Variants in PCDHB16 observed in about 807,000 individuals in gnomAD.
PCDHB16 encodes protocadherin beta 16.
For synonymous variants in PCDHB16, 444 were observed against 436.5 expected (o/e 1.02, Z -0.21); for missense variants, 1,026 against 989.9 (o/e 1.04, Z -0.49).
In PCDHB16 at chr5:141,182,957, T is replaced by A. The variant is rs1042483465; in HGVS notation, c.398T>A (p.Phe133Tyr). 2 of 1,614,180 alleles carry A rather than the reference T, an allele frequency of 1.2e-6. No homozygotes were observed. The highest frequency in any genetic ancestry group is 1.7e-6 in the Non-Finnish European group (2 of 1,180,002). ...VIDINDHSPM[F>Y]TEKEMILKIP... Reference sequence around the variant, plus strand: ...GATATAAATGACCATTCTCCCATGTTCACTGAAAAGGAAATGATTCTAAAA... The same window carrying A: ...GATATAAATGACCATTCTCCCATGTACACTGAAAAGGAAATGATTCTAAAA... Residue 133 changes from phenylalanine (F) to tyrosine (Y), a missense_variant, in exon 1 of 1, where the codon TTC (phenylalanine) becomes TAC (tyrosine). By Grantham distance (22) the Phe-to-Tyr change is conservative (BLOSUM62 3). Transcript: ENST00000609684.
Position 141,183,097 on chromosome 5 carries a change from G to C in PCDHB16, c.538G>C (p.Val180Leu). The C allele has an allele frequency of 1.2e-6, 2 of 1,614,158 alleles. No individual in the cohort carries two copies. ...AATCAGCCCAAGCTCTCATTTCCGG[G>C]TTCTAATCCATGAATTCAGAGATGG... ...YKISPSSHFR[V>L]LIHEFRDGRK... The change falls in exon 1 of 1, where the codon GTT becomes CTT. Residue 180 changes from valine to leucine, a missense_variant. Transcript: ENST00000609684.
chr5:141,185,143 T>C lies in PCDHB16; in HGVS notation c.*253T>C. ...ATATAGAATCCCAATTAACAAAATA[T>C]ACTTTATCTTCAAAGTTGATGTCAT... On this transcript the variant is annotated 3_prime_UTR_variant, in exon 1 of 1. Transcript: ENST00000609684. The C allele has an allele frequency of 1.6e-6, 2 of 1,243,096 alleles. No individual in the cohort carries two copies. Among genetic ancestry groups the C allele is most frequent in the Non-Finnish European group, 2.0e-6 (2 of 984,362 alleles). The allele number at this position is 1,243,096 out of a possible 1,614,324, so 77.0% of individuals were successfully genotyped here.
Position 141,185,394 on chromosome 5 carries a change from TTTTCTTTTCTTTC to T in PCDHB16, c.*508_*520del. 1 of 773,714 alleles carries T rather than the reference TTTTCTTTTCTTTC, an allele frequency of 1.3e-6. No homozygotes were observed. Among genetic ancestry groups the T allele is most frequent in the Non-Finnish European group, 1.6e-6 (1 of 629,374 alleles). The allele number at this position is 773,714 out of a possible 1,614,324, so 47.9% of individuals were successfully genotyped here. ...ACTTTTCTTAAAGTTTCTTTCTTTC[TTTTCTTTTCTTTC>T]TTTTTTTTTTTTTCCTTTTTGAGAC... On this transcript the variant is annotated 3_prime_UTR_variant, in exon 1 of 1. Coordinates refer to ENST00000609684, the MANE Select transcript of PCDHB16 (RefSeq NM_020957.4).
At position 141,184,009 on chromosome 5, in the gene PCDHB16, G is replaced by T. The variant is rs1753643252; in HGVS notation, c.1450G>T (p.Ala484Ser). The change falls in exon 1 of 1, where the codon GCC becomes TCC. Residue 484 changes from alanine to serine, a missense_variant. Physicochemically the swap from Ala to Ser is moderately conservative, Grantham distance 99. Transcript: ENST00000609684. ...SATDRDSGTN[A>S]QVTYSLLPPQ... ...CACAGACAGAGACTCGGGCACCAAC[G>T]CCCAGGTCACCTACTCGCTGCTGCC... The T allele has an allele frequency of 1.9e-6, 3 of 1,607,398 alleles. No homozygotes were observed. Among genetic ancestry groups the T allele is most frequent in the East Asian group, 2.2e-5 (1 of 44,628 alleles).
At position 141,182,720 on chromosome 5, in the gene PCDHB16, T is replaced by TG; in HGVS notation, c.165dup (p.Leu56ValfsTer33). On this transcript the variant is annotated frameshift_variant, in exon 1 of 1. Coordinates refer to ENST00000609684, the MANE Select transcript of PCDHB16 (RefSeq NM_020957.4). LOFTEE classifies it low-confidence loss of function (END_TRUNC). ...GCAAATCTAGGAAAAGACCTGGGGT[T>TG]GGGGTTGACAGAGATGTCCACCCGC... 6.2e-7 allele frequency: 1 copy of TG among 1,611,620 alleles called. No individual in the cohort carries two copies. Among genetic ancestry groups the TG allele is most frequent in the Middle Eastern group, 1.7e-4 (1 of 6,044 alleles).
At position 141,185,535 on chromosome 5, in the gene PCDHB16, C is replaced by T. The variant is rs2338529; in HGVS notation, c.*645C>T. ...AACGGATCCTTCCACCTCAGCCTCCCAAGTAGCTTGGACTATAGGTGCATG... is the reference window on the plus strand; with the variant it reads ...AACGGATCCTTCCACCTCAGCCTCCTAAGTAGCTTGGACTATAGGTGCATG... On this transcript the variant is annotated 3_prime_UTR_variant, in exon 1 of 1. Transcript: ENST00000609684. 58,216 of 338,404 alleles carry T rather than the reference C, an allele frequency of 0.17. 5,445 individuals carry two copies. Among genetic ancestry groups the T allele is most frequent in the African/African-American group, 0.24 (10,760 of 44,770 alleles). 21.0% of individuals were successfully genotyped at this position (338,404 alleles called of 1,614,324 possible).
At position 141,184,639 on chromosome 5, in the gene PCDHB16, T is replaced by C. The variant is rs61739446; in HGVS notation, c.2080T>C (p.Leu694=). 258,880 of 1,612,522 alleles carry C rather than the reference T, an allele frequency of 0.16. 22,154 individuals carry two copies. Among genetic ancestry groups the C allele is most frequent in the Middle Eastern group, 0.2 (1,080 of 5,504 alleles). Residue 694 remains leucine (L), a synonymous_variant, in exon 1 of 1, where the codon TTG becomes CTG. Coordinates refer to ENST00000609684, the MANE Select transcript of PCDHB16 (RefSeq NM_020957.4). The part of the protein sequence containing the change: ...NSLTVYLVVA[L]ASVSSLFLFS... Reference sequence around the variant, plus strand: ...GCTCACTGTCTACCTGGTGGTGGCGTTGGCCTCGGTGTCGTCGCTCTTCCT... The same window carrying C: ...GCTCACTGTCTACCTGGTGGTGGCGCTGGCCTCGGTGTCGTCGCTCTTCCT...
rs267600431 is a variant in PCDHB16, at chr5:141,184,573, C to A, written c.2014C>A (p.Pro672Thr). 3 of 1,612,160 alleles carry A rather than the reference C, an allele frequency of 1.9e-6. No individual in the cohort carries two copies. Among genetic ancestry groups the A allele is most frequent in the South Asian group, 1.1e-5 (1 of 91,040 alleles). ...GGACGGCTTCTCCCAGCCCTTCCTG[C>A]CGCTCCCAGAGGCGGCCCCCGGCCA... ...LVDGFSQPFL[P>T]LPEAAPGQTQ... The change falls in exon 1 of 1, where the codon CCG (proline) becomes ACG (threonine). Residue 672 changes from proline (P) to threonine (T), a missense_variant. Pro to Thr is a conservative substitution (Grantham distance 38). Coordinates refer to ENST00000609684, the MANE Select transcript of PCDHB16 (RefSeq NM_020957.4).
chr5:141,182,819 A>G lies in PCDHB16; in HGVS notation c.260A>G (p.Asn87Ser), dbSNP rs374869295. The G allele has an allele frequency of 6.2e-7, 1 of 1,614,210 alleles. No individual in the cohort carries two copies. Among genetic ancestry groups the G allele is most frequent in the East Asian group, 2.2e-5 (1 of 44,888 alleles). Residue 87 changes from asparagine to serine, a missense_variant, in exon 1 of 1, where the codon AAT (asparagine) becomes AGT (serine). Physicochemically the swap from Asn to Ser is conservative, Grantham distance 46 (BLOSUM62 1). Transcript: ENST00000609684. ...LKAQTGDLLI[N>S]EKLDREELCG... ...GCTCAAACTGGGGATTTGCTCATAA[A>G]TGAGAAGCTAGATCGAGAGGAGCTA... is the stretch of plus-strand genomic sequence containing the variant.
chr5:141,183,362 A>C lies in PCDHB16; in HGVS notation c.803A>C (p.Asp268Ala), dbSNP rs1384214483. The C allele has an allele frequency of 6.2e-7, 1 of 1,614,134 alleles. No individual in the cohort carries two copies. Among genetic ancestry groups the C allele is most frequent in the East Asian group, 2.2e-5 (1 of 44,876 alleles). The change falls in exon 1 of 1, where the codon GAT becomes GCT. Residue 268 changes from aspartate to alanine, a missense_variant. Physicochemically the swap from Asp to Ala is moderately radical, Grantham distance 126. Coordinates refer to ENST00000609684, the MANE Select transcript of PCDHB16 (RefSeq NM_020957.4). ...CTGGTTGCCACCGTCTCCGCCAGGG[A>C]TTTAGACGGCGGAGCCAATGGAAAA... ...GSLVATVSAR[D>A]LDGGANGKIS...
rs1563932653 is a variant in PCDHB16 at position 141,182,552 on chromosome 5, A to G, written c.-8A>G. ...AGCTTCTGTGAACCAACTTTTCAAG[A>G]AAAAGCAATGGAGATTGGATGGATG... On this transcript the variant is annotated 5_prime_UTR_variant, in exon 1 of 1. Coordinates refer to ENST00000609684, the MANE Select transcript of PCDHB16 (RefSeq NM_020957.4). 6.6e-7 allele frequency: 1 copy of G among 1,509,690 alleles called. No homozygotes were observed. The highest frequency in any genetic ancestry group is 1.4e-5 in the African/African-American group (1 of 71,552). 93.5% of individuals were successfully genotyped at this position (1,509,690 alleles called of 1,614,324 possible). A position where few individuals can be genotyped will look rare whatever the true frequency, so the allele number is the denominator to read the frequency against.
Position 141,185,884 on chromosome 5 carries a change from C to A in PCDHB16, c.*994C>A, listed in dbSNP as rs1274092739. ...AAAAGAGAAGCCATTGTAAGACATT[C>A]AGTATGTGTAAATGTGTTTGTGTTT... On this transcript the variant is annotated 3_prime_UTR_variant, in exon 1 of 1. Coordinates refer to ENST00000609684, the MANE Select transcript of PCDHB16 (RefSeq NM_020957.4). The A allele has an allele frequency of 1.0e-6, 1 of 989,488 alleles. No individual in the cohort carries two copies. The highest frequency in any genetic ancestry group is 1.2e-6 in the Non-Finnish European group (1 of 820,284). The allele number at this position is 989,488 out of a possible 1,614,324, so 61.3% of individuals were successfully genotyped here.
At position 141,183,576 on chromosome 5, in the gene PCDHB16, C is replaced by T. The variant is rs782040319; in HGVS notation, c.1017C>T (p.Asp339=). The T allele has an allele frequency of 1.9e-6, 3 of 1,613,996 alleles. No homozygotes were observed. Among genetic ancestry groups the T allele is most frequent in the Non-Finnish European group, 2.5e-6 (3 of 1,180,048 alleles). ...GCACTCTTCTCCTGCAGGTGGTGGA[C>T]GTGAATGACAATCCCCCACAGGTGA... is the stretch of plus-strand genomic sequence containing the variant. ...GKCTLLLQVV[D]VNDNPPQVTM... Residue 339 remains aspartate (D), a synonymous_variant, in exon 1 of 1, where the codon GAC becomes GAT. Transcript: ENST00000609684.
At position 141,185,324 on chromosome 5, in the gene PCDHB16, C is replaced by T; in HGVS notation, c.*434C>T. ...ATGTTACATTTCTTTTGTCTATTTT[C>T]CTTTCAAAATTGGTATTTTTGTTGG... On this transcript the variant is annotated 3_prime_UTR_variant, in exon 1 of 1. Transcript: ENST00000609684. 1 of 895,340 alleles carries T rather than the reference C, an allele frequency of 1.1e-6. No homozygotes were observed. Among genetic ancestry groups the T allele is most frequent in the South Asian group, 5.2e-5 (1 of 19,060 alleles). The allele number at this position is 895,340 out of a possible 1,614,324, so 55.5% of individuals were successfully genotyped here.
chr5:141,182,544 T>A lies in PCDHB16; in HGVS notation c.-16T>A. ...ATACATGAAGCTTCTGTGAACCAAC[T>A]TTTCAAGAAAAAGCAATGGAGATTG... On this transcript the variant is annotated 5_prime_UTR_variant, in exon 1 of 1. Transcript: ENST00000609684. The A allele has an allele frequency of 6.6e-7, 1 of 1,510,642 alleles. No homozygotes were observed. Among genetic ancestry groups the A allele is most frequent in the Non-Finnish European group, 8.8e-7 (1 of 1,130,542 alleles). The allele number at this position is 1,510,642 out of a possible 1,614,324, so 93.6% of individuals were successfully genotyped here. A position where few individuals can be genotyped will look rare whatever the true frequency, so the allele number is the denominator to read the frequency against.
In PCDHB16 at chr5:141,184,233, G is replaced by T. The variant is rs868969657; in HGVS notation, c.1674G>T (p.Ser558=). 1 of 1,577,060 alleles carries T rather than the reference G, an allele frequency of 6.3e-7. No homozygotes were observed. Among genetic ancestry groups the T allele is most frequent in the East Asian group, 2.3e-5 (1 of 44,136 alleles). ...TGGTGCTGGACGCCAACGACAACTC[G>T]CCCTTCGTGCTGTACCCGCTGCAGA... The part of the protein sequence containing the change: ...RVLVLDANDN[S]PFVLYPLQNG... Residue 558 remains serine (S), a synonymous_variant, in exon 1 of 1, where the codon TCG becomes TCT. Transcript: ENST00000609684.
At position 141,183,943 on chromosome 5, in the gene PCDHB16, G is replaced by C. The variant is rs782240370; in HGVS notation, c.1384G>C (p.Glu462Gln). The C allele has an allele frequency of 6.8e-6, 11 of 1,613,552 alleles. No homozygotes were observed. Among genetic ancestry groups the C allele is most frequent in the African/African-American group, 2.7e-5 (2 of 74,796 alleles). The change falls in exon 1 of 1, where the codon GAG becomes CAG. Residue 462 changes from glutamate to glutamine, a missense_variant. Coordinates refer to ENST00000609684, the MANE Select transcript of PCDHB16 (RefSeq NM_020957.4). ...TQTSYTLFVR[E>Q]NNSPALHIGS... is the part of the protein sequence containing the mutation. The stretch of plus-strand genomic sequence containing the variant: ...AACCTCCTACACCCTGTTCGTCCGC[G>C]AGAACAACAGCCCCGCCCTGCACAT...
In PCDHB16 at chr5:141,183,516, C is replaced by A. The variant is rs782370824; in HGVS notation, c.957C>A (p.Ile319=). The A allele has an allele frequency of 1.6e-5, 26 of 1,614,192 alleles. No homozygotes were observed. The highest frequency in any genetic ancestry group is 2.0e-5 in the Non-Finnish European group (24 of 1,180,044). ...TGGTTACGTCTTATGAAGTGCGCAT[C>A]AAAGCCACAGATGGGGGAGGTCTTT... ...FEMVTSYEVR[I]KATDGGGLSG... The change falls in exon 1 of 1, where the codon ATC becomes ATA. Residue 319 remains isoleucine, a synonymous_variant. Coordinates refer to ENST00000609684, the MANE Select transcript of PCDHB16 (RefSeq NM_020957.4).
At position 141,184,470 on chromosome 5, in the gene PCDHB16, G is replaced by A. The variant is rs782211116; in HGVS notation, c.1911G>A (p.Lys637=). Residue 637 remains lysine (K), a synonymous_variant, in exon 1 of 1, where the codon AAG becomes AAA. Coordinates refer to ENST00000609684, the MANE Select transcript of PCDHB16 (RefSeq NM_020957.4). ...TGCTGAGCGAGCGCGACGCAGCCAA[G>A]CAGAGGCTGGTGGTGCTGGTCAAGG... The part of the protein sequence containing the change: ...ARLLSERDAA[K]QRLVVLVKDN... 28 of 1,608,890 alleles carry A rather than the reference G, an allele frequency of 1.7e-5. No homozygotes were observed. In the Admixed American group the frequency reaches 3.8e-4, roughly 22 times the overall value.
Sources: allele counts gnomAD v4.1 joint callset, GRCh38; gene constraint gnomAD v4.1.1; transcripts MANE v1.5; gene names NCBI Gene and HGNC (gene_info 2026-07-23, HGNC 2026-07-21).